Variants in SAA2 observed in about 807,000 individuals in gnomAD.
SAA2 encodes serum amyloid A2, also known as serum amyloid A-2 protein.
SAA2 carries 5 observed loss-of-function variants against 9.1 expected under a neutral mutation model. That is an observed-to-expected ratio of 0.55 (90% CI 0.29 to 1.16). SAA2 has a LOEUF of 1.16. SAA2 is among the 50% of genes most tolerant of loss of function. The pLI is 0.09. For missense variants in SAA2, 94 were observed against 153.8 expected (o/e 0.61, Z 2.06); for synonymous variants, 49 against 59.8 (o/e 0.82, Z 0.83).
At chr11:18,244,258 C>T (rs1005968736), downstream of SAA2, among the ~76,000 whole-genome samples, 1 of 152,228 alleles carries the variant, frequency 6.6e-6, no homozygotes, top group Non-Finnish European at 1.5e-5. Flanking sequence ...CACTCCAGAG[C>T]ACTGCCACTT....
chr11:18,246,903 G>C (rs112002597), intron 2 of SAA2, among the ~76,000 whole-genome samples: 48,100 of 148,412 alleles, frequency 0.32, 8,129 homozygotes, highest in Non-Finnish European at 0.45. Context: ...TGCAGACTCT[G>C]CTGGGGAGTT....
downstream of SAA2, among the ~76,000 whole-genome samples, chr11:18,244,506 C>A (rs1181907852): frequency 2.0e-5 from 3 of 152,178 alleles, no homozygotes; most frequent in Non-Finnish European, 4.4e-5. Flanking sequence ...CAAATTTATA[C>A]CTTCTCATAT....
chr11:18,245,495 T>C lies in SAA2; in HGVS notation c.251A>G (p.Gln84Arg). ...CTCCGCACCACGGCCTGTGAGTCTC[T>C]GGATATTCTCTCTGGCATTGCTGTA... is the stretch of plus-strand genomic sequence containing the variant. The part of the protein sequence containing the change: ...EVISNARENI[Q>R]RLTGRGAEDS... Residue 84 changes from glutamine to arginine, a missense_variant, in exon 4 of 4, where the codon CAG becomes CGG. Coordinates refer to ENST00000256733, the MANE Select transcript of SAA2 (RefSeq NM_030754.5). The C allele has an allele frequency of 6.2e-7, 1 of 1,614,116 alleles. No homozygotes were observed. The highest frequency in any genetic ancestry group is 8.5e-7 in the Non-Finnish European group (1 of 1,179,952).
intron 2 of SAA2, among the ~76,000 whole-genome samples, chr11:18,247,514 A>T (rs1400939961): frequency 1.4e-5 from 2 of 146,422 alleles, no homozygotes; most frequent in East Asian, 2.0e-4. Context: ...TCGACTCTCT[A>T]ATCTGTTTAG....
chr11:18,245,517 T>C lies in SAA2; in HGVS notation c.231-2A>G. The C allele has an allele frequency of 6.2e-7, 1 of 1,614,014 alleles. No homozygotes were observed. Among genetic ancestry groups the C allele is most frequent in the Non-Finnish European group, 8.5e-7 (1 of 1,179,876 alleles). ...CTCTGGATATTCTCTCTGGCATTGCTGTAGTCCAGGCAGGCAAGAAGGAGA... is the reference window on the plus strand; with the variant it reads ...CTCTGGATATTCTCTCTGGCATTGCCGTAGTCCAGGCAGGCAAGAAGGAGA... On this transcript the variant is annotated splice_acceptor_variant, in intron 3 of 3. Transcript: ENST00000256733. LOFTEE classifies it high-confidence loss of function.
At chr11:18,247,010 C>A (rs1435463657) in intron 2 of SAA2, among the ~76,000 whole-genome samples, 1 of 152,208 alleles carries the variant, frequency 6.6e-6, no homozygotes. Context: ...CTGGCAAGAG[C>A]CCTGACCTCA....
At chr11:18,238,469 G>GT (rs1286200350), downstream of SAA2, among the ~76,000 whole-genome samples, 11 of 151,750 alleles carry the variant, frequency 7.2e-5, no homozygotes, top group African/African-American at 1.9e-4. Context: ...TCCCTACTTT[G>GT]TTTTTTTGTG....
In SAA2 at chr11:18,240,075, G is replaced by C. The variant is rs896802004; in HGVS notation, c.231-106C>G. ...TTCCCAATAACCCAATGGGGTACCG[G>C]TGATTATATACTATTCTTCATAGGG... is the stretch of plus-strand genomic sequence containing the variant. On this transcript the variant is annotated intron_variant, in intron 3 of 3. Transcript: ENST00000414546. The C allele has an allele frequency of 2.1e-6, 3 of 1,432,060 alleles. No homozygotes were observed. The Admixed American group carries it at 6.2e-5, about 30-fold the overall frequency. 88.7% of individuals were successfully genotyped at this position (1,432,060 alleles called of 1,614,324 possible).
chr11:18,243,359 C>T (rs1358136970), downstream of SAA2, among the ~76,000 whole-genome samples: 2 of 152,076 alleles, frequency 1.3e-5, no homozygotes, highest in Admixed American at 6.6e-5. Context: ...CCCTCCTGCC[C>T]CCCAAAATCT....
downstream of SAA2, among the ~76,000 whole-genome samples, chr11:18,241,330 T>C (rs1857340089): frequency 6.6e-6 from 1 of 152,182 alleles, no homozygotes; most frequent in African/African-American, 2.4e-5. Context: ...GTATGGAGAT[T>C]TCCCAGAGAA....
At chr11:18,239,868 T>C in exon 4 of SAA2, 1 of 1,514,838 alleles carries the variant, frequency 6.6e-7, no homozygotes, top group Non-Finnish European at 8.8e-7. Context: ...TAGTGGTGGT[T>C]ATTTACACTG....
chr11:18,239,807 A>G, exon 4 of SAA2: 1 of 1,016,750 alleles, frequency 9.8e-7, no homozygotes, highest in Non-Finnish European at 1.4e-6. Context: ...CCACATGCTG[A>G]GGGAGCTCAT....
In SAA2 at chr11:18,247,923, T is replaced by G; in HGVS notation, c.89A>C (p.Asp30Ala). 6.2e-7 allele frequency: 1 copy of G among 1,613,754 alleles called. No homozygotes were observed. Among genetic ancestry groups the G allele is most frequent in the Non-Finnish European group, 8.5e-7 (1 of 1,179,850 alleles). Residue 30 changes from aspartate (D) to alanine (A), a missense_variant and splice_region_variant, in exon 2 of 4, where the codon GAT becomes GCT. By Grantham distance (126) the Asp-to-Ala change is moderately radical (BLOSUM62 -2). Transcript: ENST00000256733. Reference sequence around the variant, plus strand: ...CTGCAAACCTTCTGAAGCCTTACCATCAAAAGCCTCGCCAAGGAACGAAAA... The same window carrying G: ...CTGCAAACCTTCTGAAGCCTTACCAGCAAAAGCCTCGCCAAGGAACGAAAA... ...SFFSFLGEAF[D>A]GARDMWRAYS... is the part of the protein sequence containing the mutation.
At chr11:18,248,214 G>A (rs1415065382) in intron 1 of SAA2, among the ~76,000 whole-genome samples, 199 bp from the exon 2 acceptor site, 1 of 124,578 alleles carries the variant, frequency 8.0e-6, no homozygotes, top group African/African-American at 2.5e-5. Context: ...AAGCCTGACT[G>A]CATAAGAGGA....
At position 18,245,535 on chromosome 11, in the gene SAA2, G is replaced by C; in HGVS notation, c.231-20C>G. 1.2e-6 allele frequency: 2 copies of C among 1,613,588 alleles called. No homozygotes were observed. Among genetic ancestry groups the C allele is most frequent in the Admixed American group, 1.7e-5 (1 of 60,012 alleles). On this transcript the variant is annotated intron_variant, in intron 3 of 3. Transcript: ENST00000256733. ...GCATTGCTGTAGTCCAGGCAGGCAA[G>C]AAGGAGATTAATCATCAGGCCAGTG...
downstream of SAA2, chr11:18,245,142 G>T: frequency 1.2e-6 from 1 of 861,120 alleles, no homozygotes; most frequent in Non-Finnish European, 1.7e-6. Context: ...AAACACATAG[G>T]CCTACCTAGG....
downstream of SAA2, among the ~76,000 whole-genome samples, chr11:18,238,525 T>G (rs2134130565): frequency 6.6e-6 from 1 of 152,254 alleles, no homozygotes; most frequent in East Asian, 1.9e-4. Flanking sequence ...TTTTAAAAAT[T>G]TTTTGTGGGT....
chr11:18,239,877 T>C (rs975343253), exon 4 of SAA2: 2 of 1,523,524 alleles, frequency 1.3e-6, no homozygotes, highest in Non-Finnish European at 1.8e-6. Flanking sequence ...TTATTTACAC[T>C]GAATCTTCAT....
At chr11:18,239,812 G>A in exon 4 of SAA2, 1 of 1,069,120 alleles carries the variant, frequency 9.4e-7, no homozygotes, top group Non-Finnish European at 1.3e-6. Context: ...TGCTGAGGGA[G>A]CTCATCCATG....
Sources: gnomAD v4.1 joint callset for allele counts (sites outside exome capture counted in the v4.1 genomes callset) on GRCh38, gnomAD v4.1.1 for gene constraint, MANE v1.5 for transcripts, NCBI Gene and HGNC (gene_info 2026-07-23, HGNC 2026-07-21) for gene names.